OSGEPL1: variants seen among roughly 807,000 people sequenced by gnomAD.
The protein encoded by OSGEPL1 is O-sialoglycoprotein endopeptidase like 1, also known as tRNA N6-adenosine threonylcarbamoyltransferase, mitochondrial.
Under a neutral mutation model 37.2 loss-of-function variants are expected in OSGEPL1, and 26 were observed. The ratio of observed to expected loss-of-function variants is 0.70; its 90% confidence interval spans 0.51 to 0.97. The LOEUF (loss-of-function observed/expected upper bound fraction) is 0.97, where lower values mean the gene tolerates loss of function less well. Among genes scored for constraint, OSGEPL1 ranks in the 50% least tolerant of loss-of-function variants. The probability of loss-of-function intolerance (pLI) is 0.00; values close to 1 mark genes in which losing one functional copy is unlikely to be tolerated. For missense variants in OSGEPL1, 404 were observed against 487.0 expected (o/e 0.83, Z 1.60); for synonymous variants, 140 against 159.9 (o/e 0.88, Z 0.94).
intron 2 of OSGEPL1, among the ~76,000 whole-genome samples, chr2:189,758,984 C>T (rs139045733): frequency 3.3e-5 from 5 of 152,274 alleles, no homozygotes; most frequent in East Asian, 1.9e-4. Flanking sequence ...AGCTGAGGCA[C>T]GGTAATAATA....
chr2:189,757,075 G>A (rs2046189877), intron 2 of OSGEPL1, among the ~76,000 whole-genome samples: 1 of 152,126 alleles, frequency 6.6e-6, no homozygotes, highest in Non-Finnish European at 1.5e-5. Flanking sequence ...TAATAACAAT[G>A]TATTTTTGTC....
At chr2:189,761,107 G>A (rs114983264) in intron 2 of OSGEPL1, 6,967 of 202,774 alleles carry the variant, frequency 0.034, 154 homozygotes, top group South Asian at 0.068. Flanking sequence ...GTTTTCCTAG[G>A]ACTTCAGCTG....
intron 2 of OSGEPL1, among the ~76,000 whole-genome samples, chr2:189,760,620 G>C (rs1472786223): frequency 1.3e-5 from 2 of 151,914 alleles, no homozygotes; most frequent in East Asian, 1.9e-4. Flanking sequence ...GTGAAACCCC[G>C]TCTCTACTAA....
At chr2:189,761,706 A>G in intron 1 of OSGEPL1, 46 bp from the exon 2 acceptor site, 1 of 1,441,020 alleles carries the variant, frequency 6.9e-7, no homozygotes, top group Non-Finnish European at 9.1e-7. Context: ...AACTGACATT[A>G]GCCAGCTTAT....
chr2:189,752,283 C>T (rs556098303), intron 7 of OSGEPL1, among the ~76,000 whole-genome samples: 1 of 152,342 alleles, frequency 6.6e-6, no homozygotes, highest in East Asian at 1.9e-4. Context: ...CCCACTCTCA[C>T]ACCTGAATGC....
rs1489230741 is a variant in OSGEPL1 at position 189,755,310 on chromosome 2, T to C, written c.472A>G (p.Thr158Ala). 1 of 1,613,616 alleles carries C rather than the reference T, an allele frequency of 6.2e-7. No homozygotes were observed. The highest frequency in any genetic ancestry group is 8.5e-7 in the Non-Finnish European group (1 of 1,179,744). Residue 158 changes from threonine (T) to alanine (A), a missense_variant, in exon 3 of 9, where the codon ACC becomes GCC. Transcript: ENST00000264151. ...AAAAAAGGAAATTCTACTTTATTGG[T>C]CAACCTAATAGTAAGTGCATGAGCC... The part of the protein sequence containing the change: ...MEAHALTIRL[T>A]NKVEFPFLVL...
intron 2 of OSGEPL1, among the ~76,000 whole-genome samples, chr2:189,759,424 G>A (rs2046638816): frequency 6.6e-6 from 1 of 151,896 alleles, no homozygotes; most frequent in African/African-American, 2.4e-5. Context: ...AATTTTTTTT[G>A]TATTTTTAGT....
At chr2:189,748,928 T>C (rs1194931278) in intron 8 of OSGEPL1, among the ~76,000 whole-genome samples, 1 of 152,064 alleles carries the variant, frequency 6.6e-6, no homozygotes, top group Non-Finnish European at 1.5e-5. Flanking sequence ...TTATACTACT[T>C]CTCCTATAAA....
At chr2:189,751,541 T>G (rs183719327) in intron 7 of OSGEPL1, among the ~76,000 whole-genome samples, 13 of 149,980 alleles carry the variant, frequency 8.7e-5, no homozygotes, top group Admixed American at 1.3e-4. Flanking sequence ...ACCTCGAGGA[T>G]TCAGGCAATT....
chr2:189,762,840 C>T (rs773414459), upstream of OSGEPL1: 1 of 985,476 alleles, frequency 1.0e-6, no homozygotes, highest in Non-Finnish European at 1.2e-6. Flanking sequence ...TGCTGTTCCG[C>T]TAGCGAGCGG....
intron 2 of OSGEPL1, chr2:189,761,060 T>C (rs1303568101): frequency 2.6e-5 from 4 of 152,748 alleles, no homozygotes; most frequent in Non-Finnish European, 5.6e-5. Flanking sequence ...GTTATATGTA[T>C]AAATATGAAT....
In OSGEPL1 at chr2:189,748,385, C is replaced by T. The variant is rs547618379; in HGVS notation, c.*29-1217G>A. Among the ~76,000 whole-genome samples the T allele has an allele frequency of 3.9e-5, 6 of 152,174 alleles. No individual in the cohort carries two copies. The South Asian group carries it at 6.2e-4, about 16-fold the overall frequency. The stretch of plus-strand genomic sequence containing the variant: ...GTTATGCTGAGTGTGGTGGTACAGG[C>T]GTGTAGCCCTAGCTACTCAGGAAGC... On this transcript the variant is annotated intron_variant, in intron 8 of 8. Coordinates refer to ENST00000264151, the MANE Select transcript of OSGEPL1 (RefSeq NM_022353.3).
Position 189,755,550 on chromosome 2 carries a change from T to C in OSGEPL1, c.232A>G (p.Ile78Val). The C allele has an allele frequency of 6.3e-7, 1 of 1,585,056 alleles. No homozygotes were observed. The highest frequency in any genetic ancestry group is 2.2e-5 in the East Asian group (1 of 44,632). The stretch of plus-strand genomic sequence containing the variant: ...AGCTGTTGAGCTGCTGGAGGAACAA[T>C]CCCACCTGTTCTGAAAGAAAGAAAG... ...QTEVHLKTGG[I>V]VPPAAQQLHR... The change falls in exon 3 of 9, where the codon ATT (isoleucine) becomes GTT (valine). Residue 78 changes from isoleucine to valine, a missense_variant. By Grantham distance (29) the Ile-to-Val change is conservative. Coordinates refer to ENST00000264151, the MANE Select transcript of OSGEPL1 (RefSeq NM_022353.3).
rs1574872056 is a variant in OSGEPL1, at chr2:189,754,301, G to A, written c.654C>T (p.Thr218=). The stretch of plus-strand genomic sequence containing the variant: ...GTTCTATGGCTTTCCCACCACTCAT[G>A]GTGGAGCACTCTGGATGTTTTATTA... The part of the protein sequence containing the change: ...LSLIKHPECS[T]MSGGKAIEHL... The change falls in exon 4 of 9, where the codon ACC becomes ACT. Residue 218 remains threonine (T), a synonymous_variant. Transcript: ENST00000264151. The A allele has an allele frequency of 2.5e-6, 4 of 1,613,588 alleles. No individual in the cohort carries two copies. In the East Asian group the frequency reaches 8.9e-5, roughly 36 times the overall value.
intron 6 of OSGEPL1, 42 bp downstream of exon 6, chr2:189,752,807 T>C (rs1425474171): frequency 6.2e-7 from 1 of 1,613,224 alleles, no homozygotes; most frequent in African/African-American, 1.3e-5. Context: ...GCAATTAATA[T>C]TTACATAGTT....
intron 2 of OSGEPL1, 138 bp downstream of exon 2, chr2:189,761,282 T>C (rs2047030605): frequency 1.2e-6 from 1 of 841,640 alleles, no homozygotes; most frequent in African/African-American, 1.8e-5. Context: ...TGTTTGAGGT[T>C]TTCTATAGCA....
At chr2:189,758,864 G>A (rs1348458858) in intron 2 of OSGEPL1, among the ~76,000 whole-genome samples, 1 of 152,188 alleles carries the variant, frequency 6.6e-6, no homozygotes, top group Non-Finnish European at 1.5e-5. Flanking sequence ...AGAATAAATA[G>A]GATGGGAGTA....
Position 189,754,230 on chromosome 2 carries a change from G to A in OSGEPL1, c.725C>T (p.Pro242Leu). ...GNRFHFDIKPPLHHAKNCDFS... is the reference protein window; with the variant it reads ...GNRFHFDIKPLLHHAKNCDFS... Reference sequence around the variant, plus strand: ...ATCACAATTTTTAGCATGATGCAAGGGAGGTTTGATGTCAAAATGAAATCT... The same window carrying A: ...ATCACAATTTTTAGCATGATGCAAGAGAGGTTTGATGTCAAAATGAAATCT... The change falls in exon 4 of 9, where the codon CCC becomes CTC. Residue 242 changes from proline to leucine, a missense_variant. Transcript: ENST00000264151. The A allele has an allele frequency of 1.2e-6, 2 of 1,613,828 alleles. No homozygotes were observed. The highest frequency in any genetic ancestry group is 1.7e-6 in the Non-Finnish European group (2 of 1,179,808).
chr2:189,761,495 G>GT lies in OSGEPL1; in HGVS notation c.145dup (p.Thr49AsnfsTer8). 1.2e-6 allele frequency: 2 copies of GT among 1,613,108 alleles called. No homozygotes were observed. Among genetic ancestry groups the GT allele is most frequent in the Non-Finnish European group, 1.7e-6 (2 of 1,179,530 alleles). On this transcript the variant is annotated frameshift_variant, in exon 2 of 9. Coordinates refer to ENST00000264151, the MANE Select transcript of OSGEPL1 (RefSeq NM_022353.3). LOFTEE classifies it high-confidence loss of function. Reference sequence around the variant, plus strand: ...AGTTTCATCCACCACAGCAGCTGCTGTATCATCACAACTAGTTTCAATTCC... The same window carrying GT: ...AGTTTCATCCACCACAGCAGCTGCTGTTATCATCACAACTAGTTTCAATTCC...
Sources: gnomAD v4.1 joint callset for allele counts (sites outside exome capture counted in the v4.1 genomes callset) on GRCh38, gnomAD v4.1.1 for gene constraint, MANE v1.5 for transcripts, NCBI Gene and HGNC (gene_info 2026-07-23, HGNC 2026-07-21) for gene names.